Variants in DKK2 observed in about 807,000 individuals in gnomAD.
DKK2 encodes dickkopf Wnt signaling pathway inhibitor 2.
A neutral mutation model predicts 28.1 loss-of-function variants in DKK2; 11 were observed. The observed-to-expected ratio is 0.39, with a 90% CI of 0.25 to 0.65. DKK2 has a LOEUF of 0.65. Among genes scored for constraint, DKK2 ranks in the 30% least tolerant of loss-of-function variants. The pLI, the probability that DKK2 is intolerant of heterozygous loss-of-function variation, is 0.47. For missense variants in DKK2, 326 were observed against 335.5 expected, an observed-to-expected ratio of 0.97 and a Z score of 0.22; for synonymous variants, 135 against 126.5, an observed-to-expected ratio of 1.07 and a Z score of -0.45.
chr4:106,987,220 G>T (rs899111852), intron 1 of DKK2, among the ~76,000 whole-genome samples: 1 of 152,084 alleles, frequency 6.6e-6, no homozygotes, highest in East Asian at 1.9e-4. Flanking sequence ...TATAAAATAT[G>T]ATCTTTGAGA....
intron 1 of DKK2, among the ~76,000 whole-genome samples, chr4:106,960,521 G>A (rs1722671483): frequency 6.6e-6 from 1 of 151,730 alleles, no homozygotes; most frequent in African/African-American, 2.4e-5. Context: ...CTTTACCACT[G>A]TACAATTTAT....
At chr4:106,952,070 T>C (rs984073621) in intron 1 of DKK2, among the ~76,000 whole-genome samples, 1 of 152,152 alleles carries the variant, frequency 6.6e-6, no homozygotes, top group South Asian at 2.1e-4. Context: ...GCAATAAGAA[T>C]TTTTACTCTG....
chr4:106,947,675 CT>C (rs556558001), intron 1 of DKK2, among the ~76,000 whole-genome samples: 500 of 136,072 alleles, frequency 3.7e-3, no homozygotes, highest in Middle Eastern at 4.0e-3. Flanking sequence ...TTCTTTCTTT[CT>C]TTTTTTTTTT....
chr4:106,924,664 G>A lies in DKK2; in HGVS notation c.410C>T (p.Pro137Leu). The A allele has an allele frequency of 1.2e-6, 2 of 1,613,762 alleles. No individual in the cohort carries two copies. The highest frequency in any genetic ancestry group is 1.3e-5 in the African/African-American group (1 of 75,006). ...CIPVTESILT[P>L]HIPALDGTRH... ...AGTACCATCCAGAGCCGGGATGTGA[G>A]GGGTTAAGATGCTTTCAGTAACTGG... is the stretch of plus-strand genomic sequence containing the variant. Residue 137 changes from proline to leucine, a missense_variant, in exon 3 of 4, where the codon CCT becomes CTT. Transcript: ENST00000285311.
intron 1 of DKK2, among the ~76,000 whole-genome samples, chr4:106,927,907 C>T (rs1476591245): frequency 2.0e-5 from 3 of 152,108 alleles, no homozygotes; most frequent in Admixed American, 6.6e-5. Context: ...CCACATAAAA[C>T]ATCATGTGCT....
intron 1 of DKK2, among the ~76,000 whole-genome samples, chr4:106,937,595 C>T (rs541937889): frequency 2.0e-5 from 3 of 151,940 alleles, no homozygotes; most frequent in African/African-American, 2.4e-5. Context: ...AAGAATTGAA[C>T]TCAGCTCTTC....
chr4:106,943,241 T>C (rs1724727389), intron 1 of DKK2, among the ~76,000 whole-genome samples: 1 of 152,144 alleles, frequency 6.6e-6, no homozygotes, highest in Admixed American at 6.6e-5. Context: ...ATGTAGATTA[T>C]GCTCTGTTGA....
In DKK2 at chr4:106,989,001, C is replaced by A. The variant is rs138435917; in HGVS notation, c.222+46369G>T. Reference sequence around the variant, plus strand: ...TAGGCTCACCTGAATGCAGAATGCTCAAACTGGCCTAATGCCACCAAACCT... The same window carrying A: ...TAGGCTCACCTGAATGCAGAATGCTAAAACTGGCCTAATGCCACCAAACCT... On this transcript the variant is annotated intron_variant, in intron 1 of 3. Transcript: ENST00000285311. 4.6e-5 allele frequency among the ~76,000 whole-genome samples: 7 copies of A among 152,268 alleles called. No individual in the cohort carries two copies. In the East Asian group the frequency reaches 1.4e-3, roughly 29 times the overall value.
Position 107,035,808 on chromosome 4 carries a change from C to T in DKK2, c.-217G>A. 1 of 588,892 alleles carries T rather than the reference C, an allele frequency of 1.7e-6. No homozygotes were observed. Among genetic ancestry groups the T allele is most frequent in the Non-Finnish European group, 3.0e-6 (1 of 330,620 alleles). 36.5% of individuals were successfully genotyped at this position (588,892 alleles called of 1,614,324 possible). Reference sequence around the variant, plus strand: ...AACCCAAGCGAGACCCGCTTCTCCACCAGGACAGGAAGTTCTGCAATAACT... The same window carrying T: ...AACCCAAGCGAGACCCGCTTCTCCATCAGGACAGGAAGTTCTGCAATAACT... On this transcript the variant is annotated 5_prime_UTR_variant, in exon 1 of 4. It adds an upstream start codon to the 5' untranslated region. Coordinates refer to ENST00000285311, the MANE Select transcript of DKK2 (RefSeq NM_014421.3).
At chr4:106,927,620 C>T (rs543010985) in intron 1 of DKK2, among the ~76,000 whole-genome samples, 1 of 152,220 alleles carries the variant, frequency 6.6e-6, no homozygotes, top group Admixed American at 6.5e-5. Context: ...TTAAGAGAAT[C>T]TTAGTGAGAT....
At chr4:106,940,213 G>A (rs1008003876) in intron 1 of DKK2, among the ~76,000 whole-genome samples, 1 of 152,146 alleles carries the variant, frequency 6.6e-6, no homozygotes, top group African/African-American at 2.4e-5. Context: ...CTACTCATCT[G>A]ACAAAGGGCT....
chr4:106,975,368 A>G (rs4956272), intron 1 of DKK2, among the ~76,000 whole-genome samples: 30,604 of 151,858 alleles, frequency 0.2, 3,376 homozygotes, highest in East Asian at 0.42. Flanking sequence ...AATCCATCTG[A>G]TCCTGGGATT....
chr4:106,934,611 A>C (rs150067063), intron 1 of DKK2, among the ~76,000 whole-genome samples: 19 of 152,254 alleles, frequency 1.2e-4, no homozygotes, highest in Admixed American at 1.2e-3. Flanking sequence ...GGTTAATTTC[A>C]TTTAATATAG....
chr4:106,998,786 C>T (rs571410880), intron 1 of DKK2, among the ~76,000 whole-genome samples: 2 of 152,180 alleles, frequency 1.3e-5, no homozygotes, highest in African/African-American at 2.4e-5. Flanking sequence ...AAAAGAGTAC[C>T]TCCTACTGGG....
At chr4:106,960,341 G>A (rs186024506) in intron 1 of DKK2, among the ~76,000 whole-genome samples, 1,545 of 152,110 alleles carry the variant, frequency 0.01, 21 homozygotes, top group Non-Finnish European at 0.016. Flanking sequence ...AATACCACAC[G>A]TTCTCACTTC....
At chr4:107,027,170 AAC>A (rs1161755701) in intron 1 of DKK2, among the ~76,000 whole-genome samples, 3 of 152,204 alleles carry the variant, frequency 2.0e-5, no homozygotes, top group Non-Finnish European at 4.4e-5. Context: ...TCAGAAGACT[AAC>A]ACAATACCTG....
chr4:106,942,616 C>G (rs1724716721), intron 1 of DKK2, among the ~76,000 whole-genome samples: 1 of 152,066 alleles, frequency 6.6e-6, no homozygotes, highest in Non-Finnish European at 1.5e-5. Context: ...AGAAATTCCC[C>G]TCAGGGATTG....
At chr4:106,993,337 C>T (rs1723230307) in intron 1 of DKK2, among the ~76,000 whole-genome samples, 1 of 152,192 alleles carries the variant, frequency 6.6e-6, no homozygotes, top group African/African-American at 2.4e-5. Context: ...CTGGTACATA[C>T]TAAAATGTTC....
intron 1 of DKK2, among the ~76,000 whole-genome samples, chr4:107,011,374 T>C (rs1028007008): frequency 1.3e-5 from 2 of 151,514 alleles, no homozygotes; most frequent in Non-Finnish European, 1.5e-5. Flanking sequence ...ATATTATGAG[T>C]TGATTTTCCT....
Sources: gnomAD v4.1 joint callset for allele counts (sites outside exome capture counted in the v4.1 genomes callset) on GRCh38, gnomAD v4.1.1 for gene constraint, MANE v1.5 for transcripts, NCBI Gene and HGNC (gene_info 2026-07-23, HGNC 2026-07-21) for gene names.